WWOX: variants seen among roughly 807,000 people sequenced by gnomAD.
WWOX encodes WW domain-containing oxidoreductase.
A neutral mutation model predicts 46.2 loss-of-function variants in WWOX; 69 were observed. The observed-to-expected ratio is 1.49, with a 90% CI of 1.23 to 1.82. The LOEUF is 1.82. WWOX is among the 40% of genes most tolerant of loss of function. The pLI is 0.00. For synonymous variants in WWOX, 359 were observed against 202.6 expected, an observed-to-expected ratio of 1.77 and a Z score of -6.56; for missense variants, 919 against 542.6, an observed-to-expected ratio of 1.69 and a Z score of -6.89.
chr16:78,469,335 T>C (rs1282680743), intron 8 of WWOX, among the ~76,000 whole-genome samples: 1 of 152,118 alleles, frequency 6.6e-6, no homozygotes, highest in East Asian at 1.9e-4. Context: ...ACAAGGAAAA[T>C]ATAGCTGACT....
intron 8 of WWOX, among the ~76,000 whole-genome samples, chr16:78,617,077 A>G (rs2046043599): frequency 6.6e-6 from 1 of 152,196 alleles, no homozygotes; most frequent in Admixed American, 6.5e-5. Context: ...TAGCTTGGAC[A>G]TTCTGTTCAA....
At chr16:78,538,123 G>T (rs2043803606) in intron 8 of WWOX, among the ~76,000 whole-genome samples, 1 of 149,370 alleles carries the variant, frequency 6.7e-6, no homozygotes, top group African/African-American at 2.5e-5. Flanking sequence ...TTTAAGTTTG[G>T]CAGTTACCTG....
intron 8 of WWOX, among the ~76,000 whole-genome samples, chr16:78,806,848 G>A (rs6564594): frequency 0.72 from 109,600 of 152,058 alleles, 39,977 homozygotes; most frequent in Middle Eastern, 0.84. Flanking sequence ...TTTGAAAGAT[G>A]CAGTCTGCCA....
intron 8 of WWOX, among the ~76,000 whole-genome samples, chr16:78,745,249 A>T (rs1597535187): frequency 6.6e-6 from 1 of 152,138 alleles, no homozygotes; most frequent in East Asian, 1.9e-4. Context: ...GGACTGATTG[A>T]TTACATTTGA....
intron 5 of WWOX, among the ~76,000 whole-genome samples, chr16:78,211,192 C>T (rs147702034): frequency 6.6e-5 from 10 of 152,238 alleles, no homozygotes; most frequent in African/African-American, 2.2e-4. Context: ...GTTTAATTCC[C>T]ACGCTGCCAA....
At chr16:78,641,985 T>C (rs573025599) in intron 8 of WWOX, among the ~76,000 whole-genome samples, 49 of 152,256 alleles carry the variant, frequency 3.2e-4, no homozygotes, top group African/African-American at 1.1e-3. Flanking sequence ...CCGTAAGTCC[T>C]TGGAAAATGC....
intron 8 of WWOX, among the ~76,000 whole-genome samples, chr16:78,842,793 A>G (rs1248134995): frequency 7.5e-6 from 1 of 132,794 alleles, no homozygotes; most frequent in African/African-American, 2.5e-5. Flanking sequence ...CGGAGGTTGC[A>G]GTCAACCAAG....
intron 8 of WWOX, among the ~76,000 whole-genome samples, chr16:79,043,538 A>G (rs1473119091): frequency 6.6e-6 from 1 of 152,134 alleles, no homozygotes; most frequent in Non-Finnish European, 1.5e-5. Flanking sequence ...TGGATCCAGG[A>G]TCCGACAGCT....
chr16:79,082,743 A>T (rs537857011), intron 8 of WWOX, among the ~76,000 whole-genome samples: 39 of 152,248 alleles, frequency 2.6e-4, no homozygotes, highest in African/African-American at 9.4e-4. Flanking sequence ...ATGTGATGCA[A>T]ACTTTTGAGA....
chr16:78,543,335 C>A (rs1031938524), intron 8 of WWOX, among the ~76,000 whole-genome samples: 3 of 152,220 alleles, frequency 2.0e-5, no homozygotes, highest in East Asian at 1.9e-4. Flanking sequence ...TCTCATCCCC[C>A]TGTGGGCTTA....
intron 5 of WWOX, among the ~76,000 whole-genome samples, chr16:78,239,686 C>T (rs957876854): frequency 6.6e-6 from 1 of 152,060 alleles, no homozygotes; most frequent in African/African-American, 2.4e-5. Flanking sequence ...AGTCACATGC[C>T]ACCACGTCTG....
chr16:78,801,002 A>G (rs2050871286), intron 8 of WWOX, among the ~76,000 whole-genome samples: 1 of 151,864 alleles, frequency 6.6e-6, no homozygotes, highest in Admixed American at 6.6e-5. Context: ...GTAATAGTTT[A>G]TTTATTTCAT....
At chr16:78,676,830 G>A (rs1407626073) in intron 8 of WWOX, among the ~76,000 whole-genome samples, 4 of 151,994 alleles carry the variant, frequency 2.6e-5, no homozygotes, top group Admixed American at 2.6e-4. Context: ...TAGGACCTCA[G>A]GAAAAATAAT....
At chr16:78,235,640 C>G (rs1745103121) in intron 5 of WWOX, among the ~76,000 whole-genome samples, 1 of 152,184 alleles carries the variant, frequency 6.6e-6, no homozygotes, top group African/African-American at 2.4e-5. Context: ...CCTTCTAACT[C>G]TCAAAAGGAT....
intron 5 of WWOX, among the ~76,000 whole-genome samples, chr16:78,164,980 A>T (rs2034924199): frequency 6.6e-6 from 1 of 152,232 alleles, no homozygotes; most frequent in African/African-American, 2.4e-5. Context: ...AGCCATGCAG[A>T]TGTCAAGAGA....
intron 8 of WWOX, among the ~76,000 whole-genome samples, chr16:78,528,921 TTTTTTCTTTCC>T (rs984335532): frequency 1.3e-5 from 2 of 151,476 alleles, no homozygotes; most frequent in African/African-American, 4.9e-5. Flanking sequence ...ACTTTCTTTT[TTTTTTCTTTCC>T]TTTTTCTTTT....
At chr16:78,488,685 G>A (rs1294475198) in intron 8 of WWOX, among the ~76,000 whole-genome samples, 1 of 152,122 alleles carries the variant, frequency 6.6e-6, no homozygotes, top group African/African-American at 2.4e-5. Flanking sequence ...GGGGAGGTAG[G>A]CTCTGAGTCA....
At chr16:79,154,966 AGT>A (rs1254283808) in intron 8 of WWOX, among the ~76,000 whole-genome samples, 1 of 152,238 alleles carries the variant, frequency 6.6e-6, no homozygotes, top group Non-Finnish European at 1.5e-5. Flanking sequence ...AAGTATTTTC[AGT>A]GGAATTAGGG....
At chr16:78,258,587 C>T (rs59103324) in intron 5 of WWOX, among the ~76,000 whole-genome samples, 4,420 of 151,690 alleles carry the variant, frequency 0.029, 197 homozygotes, top group East Asian at 0.2. Context: ...TAGGAACAGC[C>T]TAGAAGGTGA....
Sources: gnomAD v4.1 joint callset for allele counts (sites outside exome capture counted in the v4.1 genomes callset) on GRCh38, gnomAD v4.1.1 for gene constraint, MANE v1.5 for transcripts, NCBI Gene and HGNC (gene_info 2026-07-23, HGNC 2026-07-21) for gene names.